The following SLIT3 variants were observed in gnomAD, a reference collection of about 807,000 sequenced individuals.
The protein encoded by SLIT3 is slit guidance ligand 3, also known as slit homolog 3 protein.
Under a neutral mutation model 184.0 loss-of-function variants are expected in SLIT3, and 68 were observed. The ratio of observed to expected loss-of-function variants is 0.37; its 90% confidence interval spans 0.30 to 0.45. The LOEUF is 0.45. Among genes scored for constraint, SLIT3 ranks in the 20% least tolerant of loss-of-function variants. SLIT3 has a pLI of 1.00. For synonymous variants in SLIT3, 831 were observed against 828.6 expected (o/e 1.00, Z -0.05); for missense variants, 1,707 against 2,026.0 (o/e 0.84, Z 3.02).
chr5:169,104,896 A>G lies in SLIT3; in HGVS notation c.413+88583T>C, dbSNP rs1442210290. Among the ~76,000 whole-genome samples the G allele has an allele frequency of 2.6e-5, 4 of 152,140 alleles. No individual in the cohort carries two copies. In the East Asian group the frequency reaches 5.8e-4, roughly 22 times the overall value. ...CCCACATTCTGGGTCTGCCCTTCCA[A>G]TTGTTTCCCCTTCTTTCCAGGGTAT... On this transcript the variant is annotated intron_variant, in intron 4 of 35. Coordinates refer to ENST00000519560, the MANE Select transcript of SLIT3 (RefSeq NM_003062.4).
intron 4 of SLIT3, among the ~76,000 whole-genome samples, chr5:169,060,681 C>G (rs1758148497): frequency 6.6e-6 from 1 of 152,244 alleles, no homozygotes; most frequent in African/African-American, 2.4e-5. Context: ...TTAGCCCCTG[C>G]TCCTGGGGGA....
chr5:169,173,373 G>T (rs545478750), intron 4 of SLIT3, among the ~76,000 whole-genome samples: 171 of 152,304 alleles, frequency 1.1e-3, no homozygotes, highest in African/African-American at 3.9e-3. Context: ...TAACTGAACC[G>T]CAAAAGGCTA....
chr5:169,174,518 G>C (rs1011054092), intron 4 of SLIT3, among the ~76,000 whole-genome samples: 6 of 152,004 alleles, frequency 3.9e-5, no homozygotes, highest in South Asian at 2.1e-4. Context: ...TTAACTCTTA[G>C]ATCACAAGTT....
intron 3 of SLIT3, among the ~76,000 whole-genome samples, chr5:169,224,811 C>T (rs562653227): frequency 1.6e-4 from 25 of 152,220 alleles, no homozygotes; most frequent in African/African-American, 5.8e-4. Flanking sequence ...TTCATCCTCC[C>T]GATAAGCTGG....
rs539684643 is a variant in SLIT3, at chr5:169,192,609, G to T, written c.413+870C>A. Among the ~76,000 whole-genome samples, 3 of 152,294 alleles carry T rather than the reference G, an allele frequency of 2.0e-5. No individual in the cohort carries two copies. The South Asian group carries it at 6.2e-4, about 32-fold the overall frequency. On this transcript the variant is annotated intron_variant, in intron 4 of 35. Coordinates refer to ENST00000519560, the MANE Select transcript of SLIT3 (RefSeq NM_003062.4). ...AAATGCAACCACTGGGAATGAGAAT[G>T]GTGGCCACAACGTTGGAGCCTCCCT...
intron 4 of SLIT3, among the ~76,000 whole-genome samples, chr5:169,070,811 AAAAAG>A (rs1400666786): frequency 2.6e-5 from 4 of 151,922 alleles, no homozygotes; most frequent in Non-Finnish European, 4.4e-5. Flanking sequence ...AAAAAAAAAA[AAAAAG>A]AAACAAAAAA....
intron 4 of SLIT3, among the ~76,000 whole-genome samples, chr5:168,971,156 T>C (rs1754562756): frequency 6.6e-6 from 1 of 152,248 alleles, no homozygotes; most frequent in Non-Finnish European, 1.5e-5. Flanking sequence ...GCAAGGAAAG[T>C]ACGCTATTAG....
intron 4 of SLIT3, among the ~76,000 whole-genome samples, chr5:168,988,893 T>G (rs1253481902): frequency 1.3e-5 from 2 of 152,198 alleles, no homozygotes; most frequent in Non-Finnish European, 2.9e-5. Flanking sequence ...ACTCTCCCCA[T>G]CTCAGCCAGG....
intron 5 of SLIT3, chr5:168,844,896 A>ATTTTTTTTT: frequency 4.3e-6 from 1 of 230,490 alleles, no homozygotes; most frequent in South Asian, 7.0e-5. Context: ...TTAATTGCGC[A>ATTTTTTTTT]TTTTTTTTTT....
At chr5:168,673,087 C>T (rs753332822) in intron 33 of SLIT3, 90 bp downstream of exon 33, 8 of 1,292,456 alleles carry the variant, frequency 6.2e-6, no homozygotes, top group African/African-American at 5.9e-5. Context: ...AGGAAGCCTT[C>T]CCTGATTGGC....
At chr5:169,282,275 C>T (rs1767021853) in intron 1 of SLIT3, among the ~76,000 whole-genome samples, 1 of 152,190 alleles carries the variant, frequency 6.6e-6, no homozygotes, top group East Asian at 1.9e-4. Flanking sequence ...ATATTTCCCT[C>T]AAAAAAATCT....
At chr5:168,722,681 A>G (rs997131126) in intron 22 of SLIT3, among the ~76,000 whole-genome samples, 10 of 152,224 alleles carry the variant, frequency 6.6e-5, no homozygotes, top group African/African-American at 2.4e-4. Context: ...AAATTCACAA[A>G]CCACAAAAGG....
intron 4 of SLIT3, among the ~76,000 whole-genome samples, chr5:169,045,617 T>C (rs2113039136): frequency 6.6e-6 from 1 of 152,272 alleles, no homozygotes; most frequent in East Asian, 1.9e-4. Context: ...ATGTGATAGG[T>C]GCTGTACTAA....
intron 4 of SLIT3, among the ~76,000 whole-genome samples, chr5:169,119,625 C>T (rs542301201): frequency 3.3e-5 from 5 of 152,254 alleles, no homozygotes; most frequent in Admixed American, 6.5e-5. Context: ...CCTTCCATAT[C>T]CAATTTCAGG....
chr5:168,741,477 T>TGAAAAAAAAA (rs1763636354), intron 20 of SLIT3, among the ~76,000 whole-genome samples: 1 of 31,682 alleles, frequency 3.2e-5, no homozygotes, highest in Non-Finnish European at 5.5e-5. Flanking sequence ...AGACTCGGTC[T>TGAAAAAAAAA]CAAAAAAAAA....
At chr5:168,711,172 T>C in intron 24 of SLIT3, 114 bp from the exon 25 acceptor site, 3 of 922,292 alleles carry the variant, frequency 3.3e-6, no homozygotes, top group East Asian at 3.0e-5. Flanking sequence ...AGGTATCCAA[T>C]ATGGGGCCAG....
At chr5:168,682,708 A>G (rs983837183) in intron 32 of SLIT3, among the ~76,000 whole-genome samples, 1 of 152,162 alleles carries the variant, frequency 6.6e-6, no homozygotes, top group African/African-American at 2.4e-5. Flanking sequence ...TTAATATAAG[A>G]TTTTAATGGA....
chr5:168,862,850 T>A (rs1455194929), intron 5 of SLIT3, among the ~76,000 whole-genome samples: 1 of 152,208 alleles, frequency 6.6e-6, no homozygotes, highest in Non-Finnish European at 1.5e-5. Flanking sequence ...AATTTTTGTA[T>A]TTTTAGTAGA....
At chr5:169,115,448 T>C (rs1225934504) in intron 4 of SLIT3, among the ~76,000 whole-genome samples, 1 of 152,212 alleles carries the variant, frequency 6.6e-6, no homozygotes, top group African/African-American at 2.4e-5. Flanking sequence ...GCCATTGTCA[T>C]ATTTAATTCT....
Sources: allele counts gnomAD v4.1 joint callset (sites outside exome capture counted in the v4.1 genomes callset), GRCh38; gene constraint gnomAD v4.1.1; transcripts MANE v1.5; gene names NCBI Gene and HGNC (gene_info 2026-07-23, HGNC 2026-07-21).